TNPO2: variants seen among roughly 807,000 people sequenced by gnomAD.
TNPO2 encodes transportin 2.
In TNPO2, 16 loss-of-function variants were observed where a neutral mutation model predicts 111.1. The ratio of observed to expected loss-of-function variants is 0.14; its 90% CI spans 0.10 to 0.22. The LOEUF (loss-of-function observed/expected upper bound fraction) is 0.22. Among genes scored for constraint, TNPO2 ranks in the 10% least tolerant of loss-of-function variants. TNPO2 has a pLI of 1.00. For synonymous variants in TNPO2, 481 were observed against 475.8 expected (o/e 1.01, Z -0.14); for missense variants, 530 against 1,173.7 (o/e 0.45, Z 8.01).
chr19:12,709,476 G>A (rs1042112447), intron 13 of TNPO2, among the ~76,000 whole-genome samples: 1 of 151,996 alleles, frequency 6.6e-6, no homozygotes, highest in African/African-American at 2.4e-5. Context: ...ATTACATGTC[G>A]AAACATTTCT....
chr19:12,703,165 G>C (rs2025425253), intron 20 of TNPO2: 1 of 586,194 alleles, frequency 1.7e-6, no homozygotes, highest in Non-Finnish European at 3.0e-6. Flanking sequence ...CGCTGCCCAA[G>C]TCAAAGGAAA....
rs2025391713 is a variant in TNPO2, at chr19:12,702,643, C to G, written c.2305+180G>C. On this transcript the variant is annotated intron_variant, in intron 21 of 25. Coordinates refer to ENST00000425528, the MANE Select transcript of TNPO2 (RefSeq NM_001382241.1). The surrounding 1 kb of genome is among the most constrained non-coding windows in gnomAD (Gnocchi z 5.5). Reference sequence around the variant, plus strand: ...AAAGTGCTGAGATTACAGGCATGAGCCACTGCACCCAGCCTGAGGCTGCAT... The same window carrying G: ...AAAGTGCTGAGATTACAGGCATGAGGCACTGCACCCAGCCTGAGGCTGCAT... Among the ~76,000 whole-genome samples, 1 of 152,282 alleles carries G rather than the reference C, an allele frequency of 6.6e-6. No individual in the cohort carries two copies. Among genetic ancestry groups the G allele is most frequent in the East Asian group, 1.9e-4 (1 of 5,178 alleles).
At chr19:12,707,966 G>A (rs1053136879) in intron 13 of TNPO2, among the ~76,000 whole-genome samples, 3 of 151,974 alleles carry the variant, frequency 2.0e-5, no homozygotes, top group Admixed American at 6.6e-5. Context: ...GACTACAGGC[G>A]TGGGCCACCA....
Position 12,702,800 on chromosome 19 carries a change from C to G in TNPO2, c.2305+23G>C. On this transcript the variant is annotated intron_variant, in intron 21 of 25. Transcript: ENST00000425528. This position sits in a 1 kb window ranked among gnomAD's most constrained non-coding sequence, Gnocchi z 5.5. ...TCCAGAAGGCAGGCAGGGGTGCAGG[C>G]AGCAGCCGGGCCAGGTGCCCACCTG... 1 of 1,609,404 alleles carries G rather than the reference C, an allele frequency of 6.2e-7. No individual in the cohort carries two copies. The highest frequency in any genetic ancestry group is 1.1e-5 in the South Asian group (1 of 90,926).
At position 12,715,866 on chromosome 19, in the gene TNPO2, C is replaced by G; in HGVS notation, c.326-127G>C. 1 of 706,784 alleles carries G rather than the reference C, an allele frequency of 1.4e-6. No individual in the cohort carries two copies. The highest frequency in any genetic ancestry group is 1.8e-5 in the South Asian group (1 of 54,324). The allele number at this position is 706,784 out of a possible 1,614,324, so 43.8% of individuals were successfully genotyped here. A position where few individuals can be genotyped will look rare whatever the true frequency, so the allele number is the denominator to read the frequency against. On this transcript the variant is annotated intron_variant, in intron 5 of 25. Coordinates refer to ENST00000425528, the MANE Select transcript of TNPO2 (RefSeq NM_001382241.1). This position sits in a 1 kb window ranked among gnomAD's most constrained non-coding sequence, Gnocchi z 7.1. ...CCCATGTACGCCCTCTACATCCCCC[C>G]TCCTTTTTTTTTTCTTTGTAAGAGA...
At chr19:12,704,386 C>T (rs111586856) in intron 18 of TNPO2, among the ~76,000 whole-genome samples, 2 of 132,178 alleles carry the variant, frequency 1.5e-5, no homozygotes, top group South Asian at 2.8e-4. Context: ...AGGTGGGGGG[C>T]GGTGGGGGGG....
In TNPO2 at chr19:12,715,214, C is replaced by T; in HGVS notation, c.648+29G>A. The T allele has an allele frequency of 1.9e-6, 3 of 1,613,826 alleles. No individual in the cohort carries two copies. The highest frequency in any genetic ancestry group is 2.5e-6 in the Non-Finnish European group (3 of 1,179,826). On this transcript the variant is annotated intron_variant, in intron 8 of 25. Coordinates refer to ENST00000425528, the MANE Select transcript of TNPO2 (RefSeq NM_001382241.1). The surrounding 1 kb of genome is among the most constrained non-coding windows in gnomAD (Gnocchi z 7.1). ...CAGTTGTAGGGGCCCTCAGTCCTCG[C>T]CCTGCCCACCCCCAGCCCAGCGGCC...
intron 2 of TNPO2, chr19:12,722,370 G>C (rs1340381795): frequency 6.7e-6 from 1 of 149,354 alleles, no homozygotes; most frequent in Non-Finnish European, 1.5e-5. Context: ...TTTCCCGGTC[G>C]GGCGCGGCCC....
Position 12,701,979 on chromosome 19 carries a change from C to T in TNPO2, c.2411+93G>A. The stretch of plus-strand genomic sequence containing the variant: ...GTGGGGGTGGGGCAGGGCAGGGAGT[C>T]AGTAGGCAGATGGGGCTGGAAATGC... On this transcript the variant is annotated intron_variant, in intron 22 of 25. Coordinates refer to ENST00000425528, the MANE Select transcript of TNPO2 (RefSeq NM_001382241.1). This position sits in a 1 kb window ranked among gnomAD's most constrained non-coding sequence, Gnocchi z 5.0. 2 of 1,430,038 alleles carry T rather than the reference C, an allele frequency of 1.4e-6. No homozygotes were observed. Among genetic ancestry groups the T allele is most frequent in the African/African-American group, 1.4e-5 (1 of 71,312 alleles). 88.6% of individuals were successfully genotyped at this position (1,430,038 alleles called of 1,614,324 possible).
Position 12,701,199 on chromosome 19 carries a change from A to G in TNPO2, c.*65T>C, listed in dbSNP as rs1022168432. 2.2e-5 allele frequency: 14 copies of G among 629,500 alleles called. 1 individual carries two copies. In the Admixed American group the frequency reaches 3.2e-4, roughly 15 times the overall value. The allele number at this position is 629,500 out of a possible 1,614,324, so 39.0% of individuals were successfully genotyped here. On this transcript the variant is annotated 3_prime_UTR_variant, in exon 26 of 26. Coordinates refer to ENST00000425528, the MANE Select transcript of TNPO2 (RefSeq NM_001382241.1). The surrounding 1 kb of genome is among the most constrained non-coding windows in gnomAD (Gnocchi z 5.0). ...CCAGGGCACAGCGACTTCCGGATGC[A>G]GCGCACTCCCCAGTAATCCCTCCGA... is the stretch of plus-strand genomic sequence containing the variant.
chr19:12,723,316 T>G lies in TNPO2; in HGVS notation c.-81A>C, dbSNP rs971160818. 3.9e-5 allele frequency: 6 copies of G among 152,150 alleles called. No individual in the cohort carries two copies. The highest frequency in any genetic ancestry group is 3.2e-3 in the Middle Eastern group (1 of 316). 9.4% of individuals were successfully genotyped at this position (152,150 alleles called of 1,614,324 possible). A position where few individuals can be genotyped will look rare whatever the true frequency, so the allele number is the denominator to read the frequency against. ...GGGCAGGGTCATGAAGAAAGAAATC[T>G]TCTTGATCCTTGCGACGTCTGAAGA... is the stretch of plus-strand genomic sequence containing the variant. On this transcript the variant is annotated 5_prime_UTR_variant, in exon 2 of 26. Transcript: ENST00000425528.
rs2026576224 is a variant in TNPO2 at position 12,719,894 on chromosome 19, T to C, written c.100-558A>G. Among the ~76,000 whole-genome samples, 1 of 149,828 alleles carries C rather than the reference T, an allele frequency of 6.7e-6. No individual in the cohort carries two copies. The highest frequency in any genetic ancestry group is 2.5e-5 in the African/African-American group (1 of 40,554). ...GCCAGAGCAGGAGAGGGAAGGAGAATCCCACTCCTCTTAAAGTGGCAGCTA... is the reference window on the plus strand; with the variant it reads ...GCCAGAGCAGGAGAGGGAAGGAGAACCCCACTCCTCTTAAAGTGGCAGCTA... On this transcript the variant is annotated intron_variant, in intron 3 of 25. Transcript: ENST00000425528. The surrounding 1 kb of genome is among the most constrained non-coding windows in gnomAD (Gnocchi z 5.0).
chr19:12,705,711 C>A lies in TNPO2; in HGVS notation c.1726G>T (p.Glu576Ter). 6.7e-7 allele frequency: 1 copy of A among 1,496,894 alleles called. No individual in the cohort carries two copies. The highest frequency in any genetic ancestry group is 8.9e-7 in the Non-Finnish European group (1 of 1,118,146). 92.7% of individuals were successfully genotyped at this position (1,496,894 alleles called of 1,614,324 possible). ...AGCAGGGGGAAGAGGTCCTTGTCTT[C>A]GTCCTTGAGCTCATTCCACTTCTGG... ...LIQKWNELKD[E>*]DKDLFPLLEC... Residue 576 changes from glutamate to a stop codon, truncating the protein, a stop_gained, in exon 16 of 26, where the codon GAA (glutamate) becomes TAA (stop). Transcript: ENST00000425528. LOFTEE classifies it high-confidence loss of function. The surrounding 1 kb of genome is among the most constrained non-coding windows in gnomAD (Gnocchi z 7.2).
intron 10 of TNPO2, 113 bp from the exon 11 acceptor site, chr19:12,711,726 C>A: frequency 1.2e-6 from 1 of 843,976 alleles, no homozygotes. Context: ...GCCCCCCAAT[C>A]AGCCACAGAG....
intron 18 of TNPO2, among the ~76,000 whole-genome samples, chr19:12,704,148 C>G (rs2025487423): frequency 6.6e-6 from 1 of 152,228 alleles, no homozygotes; most frequent in East Asian, 1.9e-4. Context: ...AGGCAGATCA[C>G]TTGAGGTCAG....
At position 12,701,370 on chromosome 19, in the gene TNPO2, C is replaced by T; in HGVS notation, c.2670G>A (p.Arg890=). The T allele has an allele frequency of 1.2e-6, 2 of 1,613,972 alleles. No individual in the cohort carries two copies. Among genetic ancestry groups the T allele is most frequent in the Non-Finnish European group, 8.5e-7 (1 of 1,179,872 alleles). Residue 890 remains arginine (R), a synonymous_variant, in exon 25 of 26, where the codon AGG becomes AGA. Coordinates refer to ENST00000425528, the MANE Select transcript of TNPO2 (RefSeq NM_001382241.1). The surrounding 1 kb of genome is among the most constrained non-coding windows in gnomAD (Gnocchi z 5.0). ...CCTAGACCCCATAGAAAGCCGCCAGCCTCTCCTTGAGCAGCGGCGGGAATT... is the reference window on the plus strand; with the variant it reads ...CCTAGACCCCATAGAAAGCCGCCAGTCTCTCCTTGAGCAGCGGCGGGAATT... ...SEQFPPLLKE[R]LAAFYGV
At position 12,715,209 on chromosome 19, in the gene TNPO2, C is replaced by G. The variant is rs2026296213; in HGVS notation, c.648+34G>C. 3.1e-6 allele frequency: 5 copies of G among 1,613,698 alleles called. No homozygotes were observed. The highest frequency in any genetic ancestry group is 3.3e-5 in the Admixed American group (2 of 59,982). ...AGGGTCAGTTGTAGGGGCCCTCAGT[C>G]CTCGCCCTGCCCACCCCCAGCCCAG... On this transcript the variant is annotated intron_variant, in intron 8 of 25. Transcript: ENST00000425528. This position sits in a 1 kb window ranked among gnomAD's most constrained non-coding sequence, Gnocchi z 7.1.
Position 12,715,590 on chromosome 19 carries a change from G to GC in TNPO2, c.432+42dup, listed in dbSNP as rs769207280. Reference sequence around the variant, plus strand: ...ACGTGGGTGGTGGGTGGTGGTCCCAGCCCCCCAGTACTCGCTCTGGCCATC... The same window carrying GC: ...ACGTGGGTGGTGGGTGGTGGTCCCAGCCCCCCCAGTACTCGCTCTGGCCATC... On this transcript the variant is annotated intron_variant, in intron 6 of 25. Coordinates refer to ENST00000425528, the MANE Select transcript of TNPO2 (RefSeq NM_001382241.1). The surrounding 1 kb of genome is among the most constrained non-coding windows in gnomAD (Gnocchi z 7.1). The GC allele has an allele frequency of 3.1e-6, 5 of 1,613,454 alleles. No homozygotes were observed. The Admixed American group carries it at 8.3e-5, about 27-fold the overall frequency.
Position 12,705,910 on chromosome 19 carries a change from G to C in TNPO2, c.1669-142C>G. ...AAGGCCTGCCATCTGGCCAGACCTC[G>C]AGGCCTTCATTCTTCTCACCTGTCC... On this transcript the variant is annotated intron_variant, in intron 15 of 25. Coordinates refer to ENST00000425528, the MANE Select transcript of TNPO2 (RefSeq NM_001382241.1). This position sits in a 1 kb window ranked among gnomAD's most constrained non-coding sequence, Gnocchi z 7.2. 1 of 714,238 alleles carries C rather than the reference G, an allele frequency of 1.4e-6. No homozygotes were observed. Among genetic ancestry groups the C allele is most frequent in the Non-Finnish European group, 2.3e-6 (1 of 442,752 alleles). The allele number at this position is 714,238 out of a possible 1,614,324, so 44.2% of individuals were successfully genotyped here. A position where few individuals can be genotyped will look rare whatever the true frequency, so the allele number is the denominator to read the frequency against.
Sources: allele counts gnomAD v4.1 joint callset (sites outside exome capture counted in the v4.1 genomes callset), GRCh38; gene constraint gnomAD v4.1.1; non-coding constraint Gnocchi (gnomAD v3.1); transcripts MANE v1.5; gene names NCBI Gene and HGNC (gene_info 2026-07-23, HGNC 2026-07-21).